The following DPP10 variants were observed in gnomAD, a reference collection of about 807,000 sequenced individuals.
The protein encoded by DPP10 is inactive dipeptidyl peptidase 10.
DPP10 carries 33 observed loss-of-function variants against 120.9 expected under a neutral mutation model. That is an observed-to-expected ratio of 0.27 (90% CI 0.21 to 0.37). The LOEUF (loss-of-function observed/expected upper bound fraction) is 0.37. Among genes scored for constraint, DPP10 ranks in the 10% least tolerant of loss-of-function variants. DPP10 has a pLI of 1.00. For synonymous variants in DPP10, 337 were observed against 326.1 expected, an observed-to-expected ratio of 1.03 and a Z score of -0.36; for missense variants, 816 against 942.8, an observed-to-expected ratio of 0.87 and a Z score of 1.76.
At chr2:115,354,570 C>T (rs1004481987) in intron 3 of DPP10, among the ~76,000 whole-genome samples, 1 of 151,734 alleles carries the variant, frequency 6.6e-6, no homozygotes, top group Non-Finnish European at 1.5e-5. Flanking sequence ...TATGTATGTA[C>T]CACATTTTCT....
At chr2:114,886,341 C>A (rs1050892089) in intron 1 of DPP10, among the ~76,000 whole-genome samples, 1 of 152,164 alleles carries the variant, frequency 6.6e-6, no homozygotes, top group Non-Finnish European at 1.5e-5. Flanking sequence ...ACAACACTGG[C>A]AGCAGCAACC....
At chr2:115,388,502 C>A (rs2067108590) in intron 3 of DPP10, among the ~76,000 whole-genome samples, 1 of 152,148 alleles carries the variant, frequency 6.6e-6, no homozygotes, top group African/African-American at 2.4e-5. Flanking sequence ...AGAGTTGTAG[C>A]AGTGGAGATA....
At chr2:115,567,942 A>C (rs930473607) in intron 5 of DPP10, among the ~76,000 whole-genome samples, 5 of 149,860 alleles carry the variant, frequency 3.3e-5, no homozygotes, top group Non-Finnish European at 5.9e-5. Flanking sequence ...TTGGGAGGCC[A>C]AGGCTGGTGG....
Position 114,646,809 on chromosome 2 carries a change from C to G in DPP10, c.60+203971C>G, listed in dbSNP as rs550014480. 7.9e-5 allele frequency among the ~76,000 whole-genome samples: 12 copies of G among 152,278 alleles called. No individual in the cohort carries two copies. In the South Asian group the frequency reaches 2.3e-3, roughly 29 times the overall value. On this transcript the variant is annotated intron_variant, in intron 1 of 25. Coordinates refer to ENST00000410059, the MANE Select transcript of DPP10 (RefSeq NM_020868.6). ...AGGAAACCTGAAGCTGATTTCTTGG[C>G]CTTTCTCTTTAACTCATTCCTCTTT...
intron 5 of DPP10, among the ~76,000 whole-genome samples, chr2:115,559,370 A>G (rs1490177336): frequency 2.6e-5 from 4 of 152,170 alleles, no homozygotes; most frequent in Non-Finnish European, 4.4e-5. Context: ...TTTAATGTCA[A>G]TATCCCTGTA....
rs141351504 is a variant in DPP10, at chr2:114,702,408, T to C, written c.60+259570T>C. On this transcript the variant is annotated intron_variant, in intron 1 of 25. Coordinates refer to ENST00000410059, the MANE Select transcript of DPP10 (RefSeq NM_020868.6). ...GGAGAGCATCACAGTGGGCGATCTCTATTCCTAGCATCTGCCTGGTCCACT... is the reference window on the plus strand; with the variant it reads ...GGAGAGCATCACAGTGGGCGATCTCCATTCCTAGCATCTGCCTGGTCCACT... Among the ~76,000 whole-genome samples, 1,200 of 152,162 alleles carry C rather than the reference T, an allele frequency of 7.9e-3. 15 individuals are homozygous for C. The highest frequency in any genetic ancestry group is 0.027 in the African/African-American group (1,129 of 41,534).
chr2:114,762,109 T>G (rs911324150), intron 1 of DPP10, among the ~76,000 whole-genome samples: 2 of 152,238 alleles, frequency 1.3e-5, no homozygotes, highest in Non-Finnish European at 2.9e-5. Context: ...CTGCTTTTAT[T>G]TGCTTCTCCT....
intron 1 of DPP10, among the ~76,000 whole-genome samples, chr2:114,805,881 A>C (rs1383648079): frequency 6.6e-6 from 1 of 152,142 alleles, no homozygotes; most frequent in Non-Finnish European, 1.5e-5. Context: ...ACTTAGGGGC[A>C]GGGAAGGTCC....
At chr2:114,804,474 C>T (rs1684548227) in intron 1 of DPP10, among the ~76,000 whole-genome samples, 1 of 152,188 alleles carries the variant, frequency 6.6e-6, no homozygotes, top group Non-Finnish European at 1.5e-5. Flanking sequence ...CAATGCCAGC[C>T]TGGGAAAGCA....
At chr2:115,244,208 A>G (rs185485546) in intron 1 of DPP10, among the ~76,000 whole-genome samples, 1,385 of 138,286 alleles carry the variant, frequency 0.01, 21 homozygotes, top group African/African-American at 0.031. Flanking sequence ...ATATATATAT[A>G]TGTGTGTGTA....
chr2:114,794,338 A>C (rs1683506300), intron 1 of DPP10, among the ~76,000 whole-genome samples: 1 of 152,256 alleles, frequency 6.6e-6, no homozygotes, highest in African/African-American at 2.4e-5. Context: ...TTTGTCTCAA[A>C]TGAAAATGGA....
At chr2:114,875,970 T>C (rs1284595269) in intron 1 of DPP10, among the ~76,000 whole-genome samples, 1 of 152,188 alleles carries the variant, frequency 6.6e-6, no homozygotes, top group Non-Finnish European at 1.5e-5. Flanking sequence ...TTCTGTACTT[T>C]GGATTTTTAT....
chr2:114,887,370 A>T (rs1692163225), intron 1 of DPP10, among the ~76,000 whole-genome samples: 1 of 152,222 alleles, frequency 6.6e-6, no homozygotes. Context: ...CCTAAGGATT[A>T]TGTCCTCTTT....
At chr2:115,332,341 G>C (rs562783886) in intron 2 of DPP10, among the ~76,000 whole-genome samples, 1 of 152,034 alleles carries the variant, frequency 6.6e-6, no homozygotes, top group East Asian at 1.9e-4. Context: ...TTTGCTAGTG[G>C]TCTATCAATT....
intron 5 of DPP10, among the ~76,000 whole-genome samples, chr2:115,529,911 A>G (rs538026002): frequency 1.3e-4 from 20 of 152,258 alleles, no homozygotes; most frequent in African/African-American, 4.6e-4. Flanking sequence ...ACTTTGTGTA[A>G]TTTAGGTTTA....
intron 8 of DPP10, among the ~76,000 whole-genome samples, chr2:115,738,740 G>A (rs186668327): frequency 6.6e-6 from 1 of 152,268 alleles, no homozygotes; most frequent in Admixed American, 6.5e-5. Context: ...ATAGAGAGAT[G>A]ACAAATGTAG....
At chr2:115,609,930 A>G (rs931917534) in intron 5 of DPP10, among the ~76,000 whole-genome samples, 5 of 152,236 alleles carry the variant, frequency 3.3e-5, no homozygotes, top group Admixed American at 2.0e-4. Context: ...ATTAATACAG[A>G]ATATCTAAAA....
rs182141381 is a variant in DPP10, at chr2:114,777,479, T to C, written c.60+334641T>C. On this transcript the variant is annotated intron_variant, in intron 1 of 25. Transcript: ENST00000410059. ...TTCTTCCAGAAAAAGTTTTGAAAAG[T>C]TGGCAACCTCCCTATTTCAGTCCTT... 4.4e-3 allele frequency among the ~76,000 whole-genome samples: 666 copies of C among 150,928 alleles called. 5 individuals carry two copies. The highest frequency in any genetic ancestry group is 0.015 in the African/African-American group (640 of 41,442).
At chr2:114,895,934 T>G (rs944764200) in intron 1 of DPP10, among the ~76,000 whole-genome samples, 1 of 152,214 alleles carries the variant, frequency 6.6e-6, no homozygotes, top group Non-Finnish European at 1.5e-5. Context: ...AGGGATCCAG[T>G]TTCAGCTTTC....
Sources: gnomAD v4.1 joint callset for allele counts (sites outside exome capture counted in the v4.1 genomes callset) on GRCh38, gnomAD v4.1.1 for gene constraint, MANE v1.5 for transcripts, NCBI Gene and HGNC (gene_info 2026-07-23, HGNC 2026-07-21) for gene names.